The following RBFOX3 variants were observed in gnomAD, a reference collection of about 807,000 sequenced individuals.
RBFOX3 encodes the protein RNA binding protein fox-1 homolog 3.
Under a neutral mutation model 48.7 loss-of-function variants are expected in RBFOX3, and 17 were observed. The observed-to-expected ratio is 0.35, with a 90% confidence interval of 0.24 to 0.52. RBFOX3 has a LOEUF of 0.52. RBFOX3 is among the 20% of genes least tolerant of loss of function. The pLI is 0.94. For synonymous variants in RBFOX3, 212 were observed against 209.5 expected (o/e 1.01, Z -0.10); for missense variants, 382 against 497.5 (o/e 0.77, Z 2.21).
At chr17:79,389,776 G>A (rs1385871628) in intron 2 of RBFOX3, among the ~76,000 whole-genome samples, 1 of 152,230 alleles carries the variant, frequency 6.6e-6, no homozygotes, top group Admixed American at 6.5e-5. Context: ...TGGTTCATCA[G>A]CACGAATTAA....
intron 4 of RBFOX3, among the ~76,000 whole-genome samples, chr17:79,166,583 A>G (rs1362334903): frequency 1.3e-5 from 2 of 151,846 alleles, no homozygotes; most frequent in Non-Finnish European, 2.9e-5. Context: ...AAGGCCCAAC[A>G]CCCCAGCACC....
At chr17:79,131,713 C>CAAGGCACG (rs1320892683) in intron 4 of RBFOX3, among the ~76,000 whole-genome samples, 2 of 152,156 alleles carry the variant, frequency 1.3e-5, no homozygotes, top group Admixed American at 6.5e-5. Context: ...AAGAAGGGGT[C>CAAGGCACG]AGATATTGAG....
upstream of RBFOX3, among the ~76,000 whole-genome samples, chr17:79,611,067 C>CCG (rs1385845156): frequency 1.3e-5 from 2 of 149,206 alleles, no homozygotes; most frequent in Admixed American, 6.7e-5. Flanking sequence ...CGGAGCAGCC[C>CCG]CGCGCTCGCT....
intron 2 of RBFOX3, among the ~76,000 whole-genome samples, chr17:79,367,605 T>C (rs1251271664): frequency 1.3e-5 from 2 of 152,038 alleles, no homozygotes; most frequent in African/African-American, 2.4e-5. Context: ...AAAAGTCAGA[T>C]TTACTCCCAG....
intron 9 of RBFOX3, chr17:79,099,291 A>C (rs1024903212): frequency 6.6e-6 from 1 of 152,098 alleles, no homozygotes; most frequent in African/African-American, 2.4e-5. Context: ...ACCCACAGCT[A>C]ATTTTAAAAA....
intron 2 of RBFOX3, among the ~76,000 whole-genome samples, chr17:79,351,085 G>A (rs946054568): frequency 1.3e-5 from 2 of 152,202 alleles, no homozygotes; most frequent in Non-Finnish European, 2.9e-5. Context: ...GCTGTAGCAT[G>A]TGCCAGAATT....
At chr17:79,273,882 C>G (rs2068222166) in intron 3 of RBFOX3, among the ~76,000 whole-genome samples, 1 of 152,212 alleles carries the variant, frequency 6.6e-6, no homozygotes, top group Admixed American at 6.5e-5. Flanking sequence ...AAGAAGGGAC[C>G]TGACCTGGTC....
chr17:79,518,022 AAC>A (rs1392086373), intron 1 of RBFOX3, among the ~76,000 whole-genome samples: 4 of 152,206 alleles, frequency 2.6e-5, no homozygotes, highest in African/African-American at 9.7e-5. Flanking sequence ...GGTGTAATTA[AAC>A]AGTATCCACA....
chr17:79,456,692 C>T (rs891425277), intron 2 of RBFOX3, among the ~76,000 whole-genome samples: 1 of 152,172 alleles, frequency 6.6e-6, no homozygotes. Context: ...TGAGTCAGAC[C>T]CCCGGGAGTT....
rs867330627 is a variant in RBFOX3 at position 79,403,928 on chromosome 17, C to T, written c.-175+78526G>A. ...CTGAGTAGCTGGGACTACAGGCGCC[C>T]GCCACCACGCCTGGCTAAGTTTTGT... On this transcript the variant is annotated intron_variant, in intron 2 of 14. Coordinates refer to ENST00000693108, the MANE Select transcript of RBFOX3 (RefSeq NM_001350451.2). 1.1e-4 allele frequency among the ~76,000 whole-genome samples: 17 copies of T among 152,116 alleles called. 1 individual carries two copies. Among genetic ancestry groups the T allele is most frequent in the Admixed American group, 2.6e-4 (4 of 15,278 alleles).
At chr17:79,268,400 A>G (rs4789981) in intron 3 of RBFOX3, among the ~76,000 whole-genome samples, 86,978 of 151,762 alleles carry the variant, frequency 0.57, 25,818 homozygotes, top group East Asian at 0.85. Context: ...TGAGTACCAC[A>G]CTCCTGACCA....
At chr17:79,384,710 C>T (rs1368528795) in intron 2 of RBFOX3, among the ~76,000 whole-genome samples, 1 of 152,214 alleles carries the variant, frequency 6.6e-6, no homozygotes, top group Admixed American at 6.5e-5. Context: ...AGGCTGCAGC[C>T]TCATACACCA....
intron 4 of RBFOX3, among the ~76,000 whole-genome samples, chr17:79,193,545 G>C (rs1266675656): frequency 6.6e-6 from 1 of 151,944 alleles, no homozygotes; most frequent in Non-Finnish European, 1.5e-5. Flanking sequence ...TAAAAATATT[G>C]TCTATGGATT....
chr17:79,513,978 A>C (rs1202033370), intron 1 of RBFOX3, among the ~76,000 whole-genome samples: 2 of 152,200 alleles, frequency 1.3e-5, no homozygotes, highest in African/African-American at 4.8e-5. Context: ...CACCATGGGC[A>C]TGTGACCAGA....
chr17:79,168,528 CCT>C, intron 4 of RBFOX3, among the ~76,000 whole-genome samples: 1 of 152,252 alleles, frequency 6.6e-6, no homozygotes, highest in East Asian at 1.9e-4. Flanking sequence ...CCTGTGGCCC[CCT>C]GACCCTGCCA....
chr17:79,161,263 C>T (rs780796927), intron 4 of RBFOX3, among the ~76,000 whole-genome samples: 10 of 152,096 alleles, frequency 6.6e-5, no homozygotes, highest in Admixed American at 2.6e-4. Flanking sequence ...GGGGCCGGCA[C>T]GAGTCAAGTC....
Position 79,361,612 on chromosome 17 carries a change from C to T in RBFOX3, c.-174-53788G>A, listed in dbSNP as rs1439480159. On this transcript the variant is annotated intron_variant, in intron 2 of 14. Transcript: ENST00000693108. The surrounding 1 kb of genome is among the most constrained non-coding windows in gnomAD (Gnocchi z 4.5). ...CTTCCCTAAGGGACATGCCAGCCCACGTCCATCTCTCCTCCTCCTCCCAGC... is the reference window on the plus strand; with the variant it reads ...CTTCCCTAAGGGACATGCCAGCCCATGTCCATCTCTCCTCCTCCTCCCAGC... Among the ~76,000 whole-genome samples the T allele has an allele frequency of 1.3e-5, 2 of 152,214 alleles. No homozygotes were observed. Among genetic ancestry groups the T allele is most frequent in the African/African-American group, 4.8e-5 (2 of 41,460 alleles).
intron 3 of RBFOX3, among the ~76,000 whole-genome samples, chr17:79,245,506 C>T (rs755830483): frequency 1.3e-5 from 2 of 152,160 alleles, no homozygotes; most frequent in Non-Finnish European, 2.9e-5. Context: ...TGGCATGAAG[C>T]ACCTCACACT....
chr17:79,559,949 G>C (rs1350673410), intron 1 of RBFOX3, among the ~76,000 whole-genome samples: 1 of 147,610 alleles, frequency 6.8e-6, no homozygotes, highest in Non-Finnish European at 1.5e-5. Context: ...TGGATGGTCG[G>C]TGGTGAATGA....
Sources: allele counts gnomAD v4.1 joint callset (sites outside exome capture counted in the v4.1 genomes callset), GRCh38; gene constraint gnomAD v4.1.1; non-coding constraint Gnocchi (gnomAD v3.1); transcripts MANE v1.5; gene names NCBI Gene and HGNC (gene_info 2026-07-23, HGNC 2026-07-21).